The following PTPRN2 variants were observed in gnomAD, a reference collection of about 807,000 sequenced individuals.
PTPRN2 encodes receptor-type tyrosine-protein phosphatase N2.
A neutral mutation model predicts 118.8 loss-of-function variants in PTPRN2; 74 were observed. That is an observed-to-expected ratio of 0.62 (90% CI 0.52 to 0.76). PTPRN2 has a LOEUF of 0.76. Among genes scored for constraint, PTPRN2 ranks in the 30% least tolerant of loss-of-function variants. The pLI, the probability that PTPRN2 is intolerant of heterozygous loss-of-function variation, is 0.00. For missense variants in PTPRN2, 1,481 were observed against 1,394.4 expected (o/e 1.06, Z -0.99); for synonymous variants, 641 against 608.0 (o/e 1.05, Z -0.80).
At chr7:158,097,287 G>A (rs908953260) in intron 10 of PTPRN2, among the ~76,000 whole-genome samples, 13 of 152,106 alleles carry the variant, frequency 8.5e-5, no homozygotes, top group Non-Finnish European at 1.9e-4. Context: ...TCACAGGATC[G>A]AGCAGGCACA....
intron 11 of PTPRN2, among the ~76,000 whole-genome samples, chr7:158,021,114 C>T (rs1184301992): frequency 6.6e-6 from 1 of 152,204 alleles, no homozygotes; most frequent in Non-Finnish European, 1.5e-5. Flanking sequence ...AGTTCCTTTC[C>T]ACTTTTCTCA....
chr7:158,047,805 G>A (rs1284976122), intron 11 of PTPRN2, among the ~76,000 whole-genome samples: 1 of 152,228 alleles, frequency 6.6e-6, no homozygotes, highest in African/African-American at 2.4e-5. Flanking sequence ...AAAGCACAGA[G>A]CAACATGCAG....
chr7:158,195,897 A>G (rs1826174880), intron 4 of PTPRN2, among the ~76,000 whole-genome samples: 1 of 152,176 alleles, frequency 6.6e-6, no homozygotes, highest in African/African-American at 2.4e-5. Flanking sequence ...TTGCAATCCC[A>G]TAAATATTAT....
At chr7:157,800,791 A>C (rs999243345) in intron 12 of PTPRN2, among the ~76,000 whole-genome samples, 1 of 151,882 alleles carries the variant, frequency 6.6e-6, no homozygotes, top group African/African-American at 2.4e-5. Flanking sequence ...TCTCTACTAA[A>C]AATACAAAAA....
At chr7:158,184,825 A>G (rs117076706) in intron 5 of PTPRN2, among the ~76,000 whole-genome samples, 1,920 of 152,316 alleles carry the variant, frequency 0.013, 17 homozygotes, top group Non-Finnish European at 0.022. Flanking sequence ...AAAGAAAAAA[A>G]AAAGATCTTC....
intron 3 of PTPRN2, among the ~76,000 whole-genome samples, chr7:158,257,281 C>T (rs529150151): frequency 6.6e-6 from 1 of 152,076 alleles, no homozygotes; most frequent in Non-Finnish European, 1.5e-5. Flanking sequence ...TCACAGAAAC[C>T]TGTGGCGTGT....
chr7:157,816,153 T>G (rs1563139017), intron 12 of PTPRN2, among the ~76,000 whole-genome samples: 1 of 152,208 alleles, frequency 6.6e-6, no homozygotes, highest in Non-Finnish European at 1.5e-5. Flanking sequence ...TTCCATGAAT[T>G]GCAGCCCAGA....
At chr7:158,400,746 C>T (rs1229334849) in intron 2 of PTPRN2, among the ~76,000 whole-genome samples, 1 of 152,222 alleles carries the variant, frequency 6.6e-6, no homozygotes, top group East Asian at 1.9e-4. Context: ...CCTCTCAGGC[C>T]AACCTCAGAG....
intron 2 of PTPRN2, among the ~76,000 whole-genome samples, chr7:158,451,964 C>A (rs1486769174): frequency 6.6e-6 from 1 of 152,118 alleles, no homozygotes; most frequent in Non-Finnish European, 1.5e-5. Context: ...TGGGAGGGAC[C>A]CAGCTATGTA....
At chr7:158,071,431 TCG>T (rs1563391259) in intron 11 of PTPRN2, among the ~76,000 whole-genome samples, 6 of 85,544 alleles carry the variant, frequency 7.0e-5, no homozygotes, top group African/African-American at 2.3e-4. Context: ...GTGGAGGTGC[TCG>T]TGGTGGTGGA....
chr7:158,235,749 C>G (rs1829489797), intron 3 of PTPRN2, among the ~76,000 whole-genome samples: 1 of 152,068 alleles, frequency 6.6e-6, no homozygotes, highest in African/African-American at 2.4e-5. Flanking sequence ...TTGACTGTTC[C>G]TGGCACAAAG....
intron 11 of PTPRN2, among the ~76,000 whole-genome samples, chr7:158,072,931 G>A (rs999068512): frequency 6.6e-6 from 1 of 152,312 alleles, no homozygotes; most frequent in Non-Finnish European, 1.5e-5. Context: ...CTTGTCCCAA[G>A]GGGCCCATAG....
rs568200701 is a variant in PTPRN2, at chr7:158,549,698, A to T, written c.112+37860T>A. 3.3e-5 allele frequency among the ~76,000 whole-genome samples: 5 copies of T among 152,304 alleles called. No individual in the cohort carries two copies. In the East Asian group the frequency reaches 7.7e-4, roughly 24 times the overall value. ...ATCAGCCCAGGAGTGGGAGTGAAGA[A>T]CTTCGCTCCATCACAAAGCTCTGAA... is the stretch of plus-strand genomic sequence containing the variant. On this transcript the variant is annotated intron_variant, in intron 1 of 22. Transcript: ENST00000389418.
In PTPRN2 at chr7:158,110,915, G is replaced by A. The variant is rs140257620; in HGVS notation, c.1557C>T (p.Asp519=). 72 of 1,557,682 alleles carry A rather than the reference G, an allele frequency of 4.6e-5. No homozygotes were observed. The African/African-American group carries it at 8.0e-4, about 17-fold the overall frequency. The change falls in exon 10 of 23, where the codon GAC becomes GAT. Residue 519 remains aspartate (D), a splice_region_variant and synonymous_variant. Coordinates refer to ENST00000389418, the MANE Select transcript of PTPRN2 (RefSeq NM_002847.5). ...EARGYIVTDR[D]PLRPEEGRRL... is the part of the protein sequence containing the mutation. ...GCCTTCCTTCCTCGGGGCGCAGGGG[G>A]CTGCGGATGACAGCAGGGATGGGGA...
intron 12 of PTPRN2, among the ~76,000 whole-genome samples, chr7:157,776,555 TC>T (rs1803291964): frequency 6.5e-5 from 1 of 15,466 alleles, no homozygotes; most frequent in African/African-American, 2.9e-4. Context: ...TCTCCTCCTC[TC>T]TCTCCTTCTC....
At chr7:158,422,840 G>A (rs1420741433) in intron 2 of PTPRN2, among the ~76,000 whole-genome samples, 3 of 152,332 alleles carry the variant, frequency 2.0e-5, no homozygotes, top group South Asian at 4.1e-4. Flanking sequence ...TAATCTTCCC[G>A]AGCTCGGCCA....
chr7:158,371,965 C>T (rs117644982), intron 2 of PTPRN2, among the ~76,000 whole-genome samples: 54 of 152,348 alleles, frequency 3.5e-4, no homozygotes, highest in Middle Eastern at 3.4e-3. Context: ...GTCGTGGCCC[C>T]GGGGATGAGG....
At chr7:158,318,616 G>GCTCC (rs1417099108) in intron 2 of PTPRN2, among the ~76,000 whole-genome samples, 1 of 152,214 alleles carries the variant, frequency 6.6e-6, no homozygotes, top group African/African-American at 2.4e-5. Flanking sequence ...GAAGCCCAGG[G>GCTCC]CTCCACTCAG....
chr7:158,249,083 A>G (rs1451373693), intron 3 of PTPRN2, among the ~76,000 whole-genome samples: 1 of 151,440 alleles, frequency 6.6e-6, no homozygotes, highest in African/African-American at 2.4e-5. Context: ...CACCACACAC[A>G]CCACACATAT....
Sources: allele counts gnomAD v4.1 joint callset (sites outside exome capture counted in the v4.1 genomes callset), GRCh38; gene constraint gnomAD v4.1.1; transcripts MANE v1.5; gene names NCBI Gene and HGNC (gene_info 2026-07-23, HGNC 2026-07-21).